Variants in LGSN observed in about 807,000 individuals in gnomAD.
LGSN encodes lengsin, lens protein with glutamine synthetase domain.
A neutral mutation model predicts 19.5 loss-of-function variants in LGSN; 21 were observed. The observed-to-expected ratio is 1.07, with a 90% CI of 0.76 to 1.55. The LOEUF (loss-of-function observed/expected upper bound fraction) is 1.55, where lower values mean the gene tolerates loss of function less well. Among genes scored for constraint, LGSN ranks in the 40% most tolerant of loss-of-function variants. The probability of loss-of-function intolerance (pLI) is 0.00; values close to 1 mark genes in which losing one functional copy is unlikely to be tolerated. For missense variants in LGSN, 673 were observed against 608.5 expected (o/e 1.11, Z -1.12); for synonymous variants, 257 against 215.6 (o/e 1.19, Z -1.68).
At chr6:63,370,525 T>C in the LGSN span, among the ~76,000 whole-genome samples, 5 of 152,244 alleles carry the variant, frequency 3.3e-5, no homozygotes, top group Non-Finnish European at 7.3e-5. Flanking sequence ...TGACTTTGAA[T>C]TTTGTAAGTG....
At chr6:63,290,819 G>C (rs2127386160) in intron 2 of LGSN, among the ~76,000 whole-genome samples, 1 of 152,326 alleles carries the variant, frequency 6.6e-6, no homozygotes, top group Middle Eastern at 3.4e-3. Flanking sequence ...CCAGCAAGCT[G>C]AATTTAGCCT....
chr6:63,572,295 G>A, the LGSN span: 4 of 198,148 alleles, frequency 2.0e-5, no homozygotes, highest in Non-Finnish European at 3.1e-5. Context: ...GGGATGCTCC[G>A]ACTCGGCGCT....
the LGSN span, among the ~76,000 whole-genome samples, chr6:63,527,210 C>CT: frequency 1.3e-5 from 2 of 152,130 alleles, no homozygotes; most frequent in East Asian, 3.9e-4. Context: ...CTTTGAAGTG[C>CT]TATAGCAGTT....
At chr6:63,493,571 G>A in the LGSN span, among the ~76,000 whole-genome samples, 1 of 152,208 alleles carries the variant, frequency 6.6e-6, no homozygotes, top group Admixed American at 6.5e-5. Context: ...CTGAGTTATT[G>A]TGTCCATCAG....
chr6:63,397,730 C>T, the LGSN span, among the ~76,000 whole-genome samples: 1 of 151,960 alleles, frequency 6.6e-6, no homozygotes, highest in Admixed American at 6.6e-5. Context: ...CCAACCTGGC[C>T]AACATGGTGA....
chr6:63,505,471 G>A, the LGSN span, among the ~76,000 whole-genome samples: 5 of 149,702 alleles, frequency 3.3e-5, 1 homozygote, highest in African/African-American at 4.9e-5. Context: ...CCAGCTACTC[G>A]GGAGGATGAG....
the LGSN span, among the ~76,000 whole-genome samples, chr6:63,543,072 A>C: frequency 7.7e-3 from 1,172 of 152,222 alleles, 6 homozygotes; most frequent in Non-Finnish European, 0.011. Flanking sequence ...TATATCCCCC[A>C]CTGCACCTTC....
At chr6:63,541,929 C>G in the LGSN span, among the ~76,000 whole-genome samples, 1 of 151,852 alleles carries the variant, frequency 6.6e-6, no homozygotes, top group African/African-American at 2.4e-5. Context: ...CTTTTTCTGC[C>G]ATTTTAAAAT....
At chr6:63,542,379 T>C in the LGSN span, among the ~76,000 whole-genome samples, 4 of 151,592 alleles carry the variant, frequency 2.6e-5, no homozygotes, top group African/African-American at 9.7e-5. Flanking sequence ...ACTAAGGAAA[T>C]TACTCATGTA....
chr6:63,418,742 A>G, the LGSN span, among the ~76,000 whole-genome samples: 3,188 of 152,132 alleles, frequency 0.021, 125 homozygotes, highest in African/African-American at 0.073. Flanking sequence ...GGGAAACACC[A>G]AAGTGTATAG....
intron 2 of LGSN, among the ~76,000 whole-genome samples, chr6:63,290,907 C>G (rs1429613901): frequency 6.6e-6 from 1 of 152,194 alleles, no homozygotes; most frequent in Non-Finnish European, 1.5e-5. Flanking sequence ...ACCAGCCCAT[C>G]TTTTGTATTA....
chr6:63,530,494 T>C, the LGSN span, among the ~76,000 whole-genome samples: 2 of 152,132 alleles, frequency 1.3e-5, no homozygotes, highest in African/African-American at 4.8e-5. Flanking sequence ...GGCTGCCTCA[T>C]ACAGTCACAC....
chr6:63,388,310 T>A, the LGSN span, among the ~76,000 whole-genome samples: 1 of 152,212 alleles, frequency 6.6e-6, no homozygotes, highest in Admixed American at 6.5e-5. Context: ...AAATTTAAGA[T>A]ACCAGCTTCT....
the LGSN span, among the ~76,000 whole-genome samples, chr6:63,489,929 C>T: frequency 6.6e-6 from 1 of 152,092 alleles, no homozygotes; most frequent in African/African-American, 2.4e-5. Flanking sequence ...AGGCTGGTCT[C>T]GAACTCCTGA....
chr6:63,482,425 G>A, the LGSN span, among the ~76,000 whole-genome samples: 1 of 152,042 alleles, frequency 6.6e-6, no homozygotes, highest in Non-Finnish European at 1.5e-5. Context: ...GGAACTTTAG[G>A]TACTATCCAA....
chr6:63,422,454 T>A, the LGSN span, among the ~76,000 whole-genome samples: 1 of 152,206 alleles, frequency 6.6e-6, no homozygotes, highest in African/African-American at 2.4e-5. Context: ...ATATATGCAG[T>A]ATATATGAGA....
chr6:63,488,634 A>G, the LGSN span, among the ~76,000 whole-genome samples: 3 of 152,102 alleles, frequency 2.0e-5, no homozygotes. Flanking sequence ...TTATTACTCA[A>G]AAACAGTGTC....
chr6:63,280,987 T>C lies in LGSN; in HGVS notation c.564A>G (p.Ala188=). 1.2e-6 allele frequency: 2 copies of C among 1,614,126 alleles called. No individual in the cohort carries two copies. The highest frequency in any genetic ancestry group is 2.2e-5 in the East Asian group (1 of 44,876). Residue 188 remains alanine (A), a synonymous_variant, in exon 4 of 4, where the codon GCA becomes GCG. Transcript: ENST00000370657. The stretch of plus-strand genomic sequence containing the variant: ...CCTGCAGATGGCTCAGCTGCCTCTT[T>C]GCAATGTACCTTGGGGAAGTCAAAA... The part of the protein sequence containing the change: ...EPLLTSPRYI[A]KRQLSHLQAS...
intron 1 of LGSN, among the ~76,000 whole-genome samples, chr6:63,299,094 T>G (rs1002942363): frequency 1.3e-5 from 2 of 152,212 alleles, no homozygotes; most frequent in Non-Finnish European, 1.5e-5. Context: ...TTTCCTCGCC[T>G]TATTAATTAA....
Sources: allele counts gnomAD v4.1 joint callset (sites outside exome capture counted in the v4.1 genomes callset), GRCh38; gene constraint gnomAD v4.1.1; transcripts MANE v1.5; gene names NCBI Gene and HGNC (gene_info 2026-07-23, HGNC 2026-07-21).